The following ERMARD variants were observed in gnomAD, a reference collection of about 807,000 sequenced individuals.
ERMARD encodes the protein ER membrane associated RNA degradation, also known as endoplasmic reticulum membrane-associated RNA degradation protein.
Under a neutral mutation model 83.9 loss-of-function variants are expected in ERMARD, and 71 were observed. The observed-to-expected ratio is 0.85, with a 90% CI of 0.70 to 1.03. The LOEUF is 1.03. ERMARD is among the 50% of genes least tolerant of loss of function. The probability of loss-of-function intolerance (pLI) is 0.00; values close to 1 mark genes in which losing one functional copy is unlikely to be tolerated. For missense variants in ERMARD, 838 were observed against 810.9 expected, an observed-to-expected ratio of 1.03 and a Z score of -0.41; for synonymous variants, 284 against 298.6, an observed-to-expected ratio of 0.95 and a Z score of 0.50.
intron 4 of ERMARD, 82 bp from the exon 5 acceptor site, chr6:169,756,637 C>T (rs1790851961): frequency 4.0e-6 from 5 of 1,255,126 alleles, no homozygotes; most frequent in Non-Finnish European, 5.8e-6. Flanking sequence ...TTCATTTGTA[C>T]AAACAGTTGC....
chr6:169,775,804 T>G, intron 14 of ERMARD, 136 bp from the exon 15 acceptor site: 1 of 1,187,366 alleles, frequency 8.4e-7, no homozygotes, highest in Non-Finnish European at 1.2e-6. Context: ...CATGGTGGCT[T>G]TTTCCATTTT....
At chr6:169,761,310 G>T (rs1697263515) in intron 8 of ERMARD, among the ~76,000 whole-genome samples, 1 of 152,152 alleles carries the variant, frequency 6.6e-6, no homozygotes, top group Non-Finnish European at 1.5e-5. Context: ...TTGAACTCCT[G>T]GGCTCAAGCA....
At position 169,758,531 on chromosome 6, in the gene ERMARD, G is replaced by A. The variant is rs541921384; in HGVS notation, c.508-437G>A. 1.4e-4 allele frequency among the ~76,000 whole-genome samples: 22 copies of A among 152,306 alleles called. No individual in the cohort carries two copies. The East Asian group carries it at 1.9e-3, about 13-fold the overall frequency. On this transcript the variant is annotated intron_variant, in intron 5 of 17. Transcript: ENST00000366773. ...TGCCTCTGTTTAACCACACAATTGCGTGCTGCTTAATACAGTGATATGTTT... is the reference window on the plus strand; with the variant it reads ...TGCCTCTGTTTAACCACACAATTGCATGCTGCTTAATACAGTGATATGTTT...
intron 13 of ERMARD, 47 bp downstream of exon 13, chr6:169,773,449 C>T: frequency 6.4e-7 from 1 of 1,569,190 alleles, no homozygotes; most frequent in Non-Finnish European, 8.8e-7. Flanking sequence ...GTCTCTGAAA[C>T]CACCTGTCTT....
chr6:169,769,466 C>A, intron 11 of ERMARD, 74 bp from the exon 12 acceptor site: 1 of 1,392,830 alleles, frequency 7.2e-7, no homozygotes. Flanking sequence ...CTCTTTCCTT[C>A]TATTCAGCAA....
rs369136379 is a variant in ERMARD, at chr6:169,759,909, A to G, written c.677A>G (p.Lys226Arg). 3 of 1,614,078 alleles carry G rather than the reference A, an allele frequency of 1.9e-6. No homozygotes were observed. Among genetic ancestry groups the G allele is most frequent in the Non-Finnish European group, 2.5e-6 (3 of 1,180,050 alleles). The part of the protein sequence containing the change: ...QLLKSYLQNT[K>R]LTLAHRSFIS... ...CTGAAGAGTTACCTTCAAAACACTA[A>G]ACTTACATTGGCACATCGCTCTTTC... is the stretch of plus-strand genomic sequence containing the variant. The change falls in exon 7 of 18, where the codon AAA becomes AGA. Residue 226 changes from lysine (K) to arginine (R), a missense_variant. Physicochemically the swap from Lys to Arg is conservative, Grantham distance 26 (BLOSUM62 2). Transcript: ENST00000366773.
At chr6:169,758,876 A>G in intron 5 of ERMARD, 92 bp from the exon 6 acceptor site, 1 of 1,168,280 alleles carries the variant, frequency 8.6e-7, no homozygotes. Flanking sequence ...GTTGACTCTC[A>G]GTTAAAAAGA....
chr6:169,756,847 C>T (rs377591444), intron 5 of ERMARD, 39 bp downstream of exon 5: 27 of 1,553,034 alleles, frequency 1.7e-5, no homozygotes, highest in East Asian at 1.1e-4. Flanking sequence ...TATATTAGTC[C>T]GTTTTCATGC....
chr6:169,766,001 GTCTGTCAAATC>G (rs1170709889), intron 9 of ERMARD, among the ~76,000 whole-genome samples: 1 of 81,408 alleles, frequency 1.2e-5, no homozygotes, highest in African/African-American at 6.9e-5. Flanking sequence ...TCGTCATGCT[GTCTGTCAAATC>G]TCACTGAAGT....
intron 1 of ERMARD, chr6:169,753,237 G>T (rs1301771839): frequency 6.5e-6 from 1 of 154,380 alleles, no homozygotes; most frequent in East Asian, 1.9e-4. Flanking sequence ...GGGCGGAAGA[G>T]GGGGAGGATA....
rs953593984 is a variant in ERMARD at position 169,756,235 on chromosome 6, T to C, written c.316-103T>C. 5 of 547,228 alleles carry C rather than the reference T, an allele frequency of 9.1e-6. No homozygotes were observed. The East Asian group carries it at 9.7e-5, about 11-fold the overall frequency. 33.9% of individuals were successfully genotyped at this position (547,228 alleles called of 1,614,324 possible). On this transcript the variant is annotated intron_variant, in intron 3 of 17. Coordinates refer to ENST00000366773, the MANE Select transcript of ERMARD (RefSeq NM_018341.3). ...TTACTTATTCACTGAAAATAAAATA[T>C]GGCAGTTGAAATCTCTCGAGGTTTG... is the stretch of plus-strand genomic sequence containing the variant.
chr6:169,776,389 T>C (rs2128365704), intron 15 of ERMARD, 66 bp from the exon 16 acceptor site: 1 of 1,570,568 alleles, frequency 6.4e-7, no homozygotes, highest in East Asian at 2.4e-5. Flanking sequence ...GCCTTGCAGG[T>C]GCAGAAGGAG....
intron 14 of ERMARD, 178 bp from the exon 15 acceptor site, chr6:169,775,762 A>C (rs753260222): frequency 5.1e-5 from 40 of 777,850 alleles, no homozygotes; most frequent in Non-Finnish European, 7.8e-5. Context: ...TGCTCTTGGC[A>C]TATGGCATCG....
rs1175203432 is a variant in ERMARD, at chr6:169,768,069, C to G, written c.991-34C>G. The G allele has an allele frequency of 3.9e-6, 6 of 1,550,324 alleles. No homozygotes were observed. The South Asian group carries it at 6.7e-5, about 17-fold the overall frequency. On this transcript the variant is annotated intron_variant, in intron 10 of 17. Coordinates refer to ENST00000366773, the MANE Select transcript of ERMARD (RefSeq NM_018341.3). Reference sequence around the variant, plus strand: ...GTTCTGTATGTTTATGTATGGGGACCAGTTAACCAATGTATTTATTTTTGA... The same window carrying G: ...GTTCTGTATGTTTATGTATGGGGACGAGTTAACCAATGTATTTATTTTTGA...
At chr6:169,753,662 A>G (rs1790441411) in intron 1 of ERMARD, among the ~76,000 whole-genome samples, 1 of 152,164 alleles carries the variant, frequency 6.6e-6, no homozygotes, top group Non-Finnish European at 1.5e-5. Flanking sequence ...TTAAGCCTTT[A>G]TCATATTTGA....
At chr6:169,754,144 T>C in intron 2 of ERMARD, 112 bp downstream of exon 2, 1 of 1,003,238 alleles carries the variant, frequency 1.0e-6, no homozygotes, top group Non-Finnish European at 1.4e-6. Flanking sequence ...AATGTTATAA[T>C]ACAGGCCTAA....
intron 7 of ERMARD, 134 bp from the exon 8 acceptor site, chr6:169,760,506 AAC>A (rs1791411507): frequency 3.1e-6 from 2 of 637,442 alleles, no homozygotes; most frequent in Non-Finnish European, 5.4e-6. Context: ...CCTACTCTCT[AAC>A]AAGTCCCCTG....
chr6:169,761,822 A>G (rs941885761), intron 8 of ERMARD, among the ~76,000 whole-genome samples: 3 of 152,118 alleles, frequency 2.0e-5, no homozygotes, highest in Non-Finnish European at 4.4e-5. Context: ...ATCAGGGACT[A>G]TAGGCATGCA....
At position 169,759,606 on chromosome 6, in the gene ERMARD, G is replaced by A. The variant is rs570843868; in HGVS notation, c.606-232G>A. ...ACCTAACTTTTTTGTATGTTTTGTAGAGATAGGATTTCACCTTGTTGCCCA... is the reference window on the plus strand; with the variant it reads ...ACCTAACTTTTTTGTATGTTTTGTAAAGATAGGATTTCACCTTGTTGCCCA... On this transcript the variant is annotated intron_variant, in intron 6 of 17. Transcript: ENST00000366773. Among the ~76,000 whole-genome samples, 5 of 152,234 alleles carry A rather than the reference G, an allele frequency of 3.3e-5. No homozygotes were observed. In the South Asian group the frequency reaches 1.0e-3, roughly 32 times the overall value.
Sources: gnomAD v4.1 joint callset for allele counts (sites outside exome capture counted in the v4.1 genomes callset) on GRCh38, gnomAD v4.1.1 for gene constraint, MANE v1.5 for transcripts, NCBI Gene and HGNC (gene_info 2026-07-23, HGNC 2026-07-21) for gene names.